Variants in ADCY2 observed in about 807,000 individuals in gnomAD.
ADCY2 encodes the protein adenylate cyclase 2.
Under a neutral mutation model 125.2 loss-of-function variants are expected in ADCY2, and 31 were observed. The ratio of observed to expected loss-of-function variants is 0.25; its 90% CI spans 0.19 to 0.33. The LOEUF is 0.33. ADCY2 is among the 10% of genes least tolerant of loss of function. The pLI is 1.00. For missense variants in ADCY2, 904 were observed against 1,418.2 expected, an observed-to-expected ratio of 0.64 and a Z score of 5.82; for synonymous variants, 512 against 548.4, an observed-to-expected ratio of 0.93 and a Z score of 0.93.
chr5:7,651,863 CATGATT>C (rs1739102164), intron 4 of ADCY2, among the ~76,000 whole-genome samples: 4 of 152,060 alleles, frequency 2.6e-5, no homozygotes, highest in African/African-American at 9.7e-5. Context: ...AGTGCAGTGG[CATGATT>C]CCGGCTCACT....
In ADCY2 at chr5:7,743,675, G is replaced by A. The variant is rs770402477; in HGVS notation, c.1879G>A (p.Val627Ile). Residue 627 changes from valine (V) to isoleucine (I), a missense_variant, in exon 15 of 25, where the codon GTC becomes ATC. By Grantham distance (29) the Val-to-Ile change is conservative. Coordinates refer to ENST00000338316, the MANE Select transcript of ADCY2 (RefSeq NM_020546.3). ...CTTTTTGTTTCCCGGTAGAACGTCCGTCCTGGGCATCTCCTTTGGGGCTGC... is the reference window on the plus strand; with the variant it reads ...CTTTTTGTTTCCCGGTAGAACGTCCATCCTGGGCATCTCCTTTGGGGCTGC... ...VQILVLPKTS[V>I]LGISFGAAFL... 4.3e-5 allele frequency: 69 copies of A among 1,613,908 alleles called. 1 individual carries two copies. The Middle Eastern group carries it at 4.9e-4, about 12-fold the overall frequency.
At chr5:7,443,639 C>CAAAAAA (rs56089574) in intron 2 of ADCY2, among the ~76,000 whole-genome samples, 8 of 51,220 alleles carry the variant, frequency 1.6e-4, no homozygotes, top group Admixed American at 7.8e-4. Context: ...GACTCTGTCT[C>CAAAAAA]AAAAAAAAAA....
At chr5:7,564,062 A>C (rs1735812370) in intron 3 of ADCY2, among the ~76,000 whole-genome samples, 1 of 152,198 alleles carries the variant, frequency 6.6e-6, no homozygotes, top group African/African-American at 2.4e-5. Flanking sequence ...AATTAAACAG[A>C]TCATTTGTTT....
intron 14 of ADCY2, among the ~76,000 whole-genome samples, chr5:7,729,588 A>G (rs1326429817): frequency 6.6e-6 from 1 of 150,920 alleles, no homozygotes; most frequent in Admixed American, 6.6e-5. Context: ...TGGATTGATC[A>G]AGTTCTTTCA....
intron 3 of ADCY2, among the ~76,000 whole-genome samples, chr5:7,542,790 C>A (rs1326281097): frequency 6.6e-6 from 1 of 152,176 alleles, no homozygotes; most frequent in Non-Finnish European, 1.5e-5. Context: ...CTGCACAATA[C>A]CTCCACAGCA....
At chr5:7,679,673 T>C (rs1740263702) in intron 4 of ADCY2, among the ~76,000 whole-genome samples, 1 of 152,206 alleles carries the variant, frequency 6.6e-6, no homozygotes, top group Admixed American at 6.5e-5. Context: ...AGCAGGTTTC[T>C]GCATGGGCAG....
intron 12 of ADCY2, among the ~76,000 whole-genome samples, chr5:7,717,536 T>C (rs963709027): frequency 6.6e-6 from 1 of 152,226 alleles, no homozygotes; most frequent in African/African-American, 2.4e-5. Context: ...TTTTAAAAGA[T>C]AGATTCTATA....
At chr5:7,415,150 T>C (rs1739889761) in intron 2 of ADCY2, among the ~76,000 whole-genome samples, 1 of 152,214 alleles carries the variant, frequency 6.6e-6, no homozygotes, top group Non-Finnish European at 1.5e-5. Context: ...TAAAATCTAC[T>C]CTTTAAGCAA....
At chr5:7,552,721 TGA>T (rs1312834362) in intron 3 of ADCY2, among the ~76,000 whole-genome samples, 1 of 152,202 alleles carries the variant, frequency 6.6e-6, no homozygotes, top group Non-Finnish European at 1.5e-5. Context: ...TTTTGAATTA[TGA>T]ATGTACCAAA....
chr5:7,454,639 A>G (rs2126426409), intron 2 of ADCY2, among the ~76,000 whole-genome samples: 1 of 152,358 alleles, frequency 6.6e-6, no homozygotes, highest in African/African-American at 2.4e-5. Context: ...CAAAAATTAT[A>G]ATGTAAGTAC....
At chr5:7,423,397 C>T (rs1256769194) in intron 2 of ADCY2, among the ~76,000 whole-genome samples, 1 of 152,182 alleles carries the variant, frequency 6.6e-6, no homozygotes, top group Admixed American at 6.5e-5. Context: ...CCATAGTCCC[C>T]ATGTGTCTTG....
chr5:7,804,063 A>AGAGAGAGAGAGAGAGAGAGC (rs1370204515), intron 21 of ADCY2, among the ~76,000 whole-genome samples: 1 of 146,960 alleles, frequency 6.8e-6, no homozygotes, highest in Non-Finnish European at 1.5e-5. Flanking sequence ...AGAGAGAGAG[A>AGAGAGAGAGAGAGAGAGAGC]GAGAGAGAGA....
intron 3 of ADCY2, among the ~76,000 whole-genome samples, chr5:7,571,324 T>C (rs1415360318): frequency 1.3e-5 from 2 of 152,090 alleles, no homozygotes; most frequent in Non-Finnish European, 2.9e-5. Context: ...CCTGTTTGTG[T>C]CCAAAAGCCT....
Position 7,804,612 on chromosome 5 carries a change from G to A in ADCY2, c.2803G>A (p.Val935Ile). 1 of 1,614,184 alleles carries A rather than the reference G, an allele frequency of 6.2e-7. No homozygotes were observed. ...DLLSKPKFSG[V>I]EKIKTIGSTY... is the part of the protein sequence containing the mutation. ...TCTTTCCAAGCCAAAATTCAGTGGA[G>A]TTGAAAAGATTAAGACCATTGGCAG... The change falls in exon 22 of 25, where the codon GTT becomes ATT. Residue 935 changes from valine (V) to isoleucine (I), a missense_variant. Val to Ile is a conservative substitution (Grantham distance 29, BLOSUM62 3). This residue lies in a region of ADCY2 where 181 missense variants were observed against 381.6 expected (regional missense o/e 0.47). Coordinates refer to ENST00000338316, the MANE Select transcript of ADCY2 (RefSeq NM_020546.3).
intron 3 of ADCY2, among the ~76,000 whole-genome samples, chr5:7,594,876 T>C (rs1015970450): frequency 6.6e-6 from 1 of 152,180 alleles, no homozygotes; most frequent in African/African-American, 2.4e-5. Flanking sequence ...CCTTATTTCA[T>C]AGCAGGAAGA....
At chr5:7,555,534 A>T (rs936293355) in intron 3 of ADCY2, among the ~76,000 whole-genome samples, 1 of 152,230 alleles carries the variant, frequency 6.6e-6, no homozygotes, top group Non-Finnish European at 1.5e-5. Flanking sequence ...TGTATGTTAC[A>T]GATATTTATT....
At chr5:7,771,508 G>A (rs927148041) in intron 17 of ADCY2, among the ~76,000 whole-genome samples, 3 of 152,190 alleles carry the variant, frequency 2.0e-5, no homozygotes, top group South Asian at 4.1e-4. Flanking sequence ...CGAGGTGTTG[G>A]TCTTCCTTTT....
intron 22 of ADCY2, among the ~76,000 whole-genome samples, chr5:7,811,585 T>G (rs1055855106): frequency 1.1e-3 from 162 of 152,274 alleles, no homozygotes; most frequent in African/African-American, 3.8e-3. Flanking sequence ...CCAAATATTA[T>G]CTAAAATAAA....
chr5:7,554,301 T>C (rs1006303842), intron 3 of ADCY2, among the ~76,000 whole-genome samples: 1 of 152,230 alleles, frequency 6.6e-6, no homozygotes, highest in Non-Finnish European at 1.5e-5. Context: ...TTAGTTATTC[T>C]GAGCACTTTT....
Sources: gnomAD v4.1 joint callset for allele counts (sites outside exome capture counted in the v4.1 genomes callset) on GRCh38, gnomAD v4.1.1 for gene constraint, gnomAD v4.1.1 regional missense constraint, MANE v1.5 for transcripts, NCBI Gene and HGNC (gene_info 2026-07-23, HGNC 2026-07-21) for gene names.